The following EML1 variants were observed in gnomAD, a reference collection of about 807,000 sequenced individuals.
The protein encoded by EML1 is echinoderm microtubule-associated protein-like 1.
In EML1, 27 loss-of-function variants were observed where a neutral mutation model predicts 110.4. That is an observed-to-expected ratio of 0.24 (90% CI 0.18 to 0.34). EML1 has a LOEUF of 0.34. EML1 is among the 10% of genes least tolerant of loss of function. The pLI, the probability that EML1 is intolerant of heterozygous loss-of-function variation, is 1.00. For missense variants in EML1, 741 were observed against 1,030.9 expected (o/e 0.72, Z 3.85); for synonymous variants, 344 against 385.8 (o/e 0.89, Z 1.27).
intron 1 of EML1, among the ~76,000 whole-genome samples, chr14:99,809,156 A>C (rs935495224): frequency 2.0e-5 from 3 of 152,144 alleles, no homozygotes; most frequent in African/African-American, 7.2e-5. Context: ...GAATTTTTGC[A>C]AATTTTGTTA....
intron 17 of EML1, among the ~76,000 whole-genome samples, chr14:99,931,372 T>C (rs1342392490): frequency 1.3e-5 from 2 of 152,056 alleles, no homozygotes; most frequent in African/African-American, 4.8e-5. Flanking sequence ...CTCAGTTTCC[T>C]CATCTGCAGA....
At chr14:99,766,473 C>T (rs1043065068) in intron 1 of EML1, among the ~76,000 whole-genome samples, 8 of 152,132 alleles carry the variant, frequency 5.3e-5, no homozygotes, top group Non-Finnish European at 7.3e-5. Context: ...GGATTACAGG[C>T]GTGAGCCACC....
intron 1 of EML1, among the ~76,000 whole-genome samples, chr14:99,783,992 C>T (rs913050651): frequency 2.0e-5 from 3 of 152,210 alleles, no homozygotes; most frequent in Non-Finnish European, 4.4e-5. Flanking sequence ...GGAGATGCTA[C>T]GGTTGGAAAT....
chr14:99,927,012 T>G (rs2060246786), intron 17 of EML1, among the ~76,000 whole-genome samples: 1 of 152,122 alleles, frequency 6.6e-6, no homozygotes, highest in African/African-American at 2.4e-5. Flanking sequence ...CCTTCCAAAG[T>G]GCTGGGATTA....
intron 3 of EML1, among the ~76,000 whole-genome samples, chr14:99,874,042 T>A (rs769429142): frequency 1.3e-5 from 2 of 152,260 alleles, no homozygotes; most frequent in Non-Finnish European, 2.9e-5. Context: ...TGTAAAAGTT[T>A]GGGATACTTT....
chr14:99,803,669 A>G (rs1168035168), intron 1 of EML1, among the ~76,000 whole-genome samples: 2 of 152,194 alleles, frequency 1.3e-5, no homozygotes, highest in African/African-American at 2.4e-5. Context: ...AAAACAAATT[A>G]TTTTCAGCCA....
intron 1 of EML1, among the ~76,000 whole-genome samples, chr14:99,767,336 G>A (rs1224532109): frequency 2.6e-5 from 4 of 152,218 alleles, no homozygotes; most frequent in African/African-American, 9.6e-5. Context: ...GGGCACGGTG[G>A]CTCACGCCTG....
intron 2 of EML1, among the ~76,000 whole-genome samples, chr14:99,858,567 G>T (rs544180484): frequency 6.6e-6 from 1 of 152,318 alleles, no homozygotes; most frequent in African/African-American, 2.4e-5. Flanking sequence ...AACAGGCTTT[G>T]GTTTTGCAAA....
intron 1 of EML1, among the ~76,000 whole-genome samples, chr14:99,828,915 G>T (rs117924965): frequency 0.031 from 4,748 of 152,270 alleles, 94 homozygotes; most frequent in Non-Finnish European, 0.041. Flanking sequence ...ACGTTGAGTA[G>T]GCTGAGGAGG....
intron 13 of EML1, among the ~76,000 whole-genome samples, chr14:99,913,340 A>C (rs1222922213): frequency 6.6e-6 from 1 of 151,476 alleles, no homozygotes; most frequent in Non-Finnish European, 1.5e-5. Flanking sequence ...TACCCAGCTA[A>C]TTTTTTTTGT....
Position 99,826,728 on chromosome 14 carries a change from C to CA in EML1, c.68-24118dup, listed in dbSNP as rs748829350. Among the ~76,000 whole-genome samples the CA allele has an allele frequency of 2.7e-4, 41 of 150,738 alleles. No homozygotes were observed. In the East Asian group the frequency reaches 4.3e-3, roughly 16 times the overall value. ...CTTGGGAAAAAAAAACAAAAAAAAA[C>CA]AAAAAAACACCTTAGGTCAGAAAAA... On this transcript the variant is annotated intron_variant, in intron 1 of 21. Transcript: ENST00000262233.
rs1276568153 is a variant in EML1 at position 99,907,732 on chromosome 14, A to C, written c.1103A>C (p.Lys368Thr). ...WQKEEKLADV[K>T]CSNEAVFAAD... is the part of the protein sequence containing the mutation. ...AAAGAAGAAAAACTAGCAGATGTGAAGGTCATGCTCCAAGCCTTTTTTGGG... is the reference window on the plus strand; with the variant it reads ...AAAGAAGAAAAACTAGCAGATGTGACGGTCATGCTCCAAGCCTTTTTTGGG... Residue 368 changes from lysine to threonine, a missense_variant and splice_region_variant, in exon 10 of 22, where the codon AAG (lysine) becomes ACG (threonine). Coordinates refer to ENST00000262233, the MANE Select transcript of EML1 (RefSeq NM_004434.3). 6.2e-7 allele frequency: 1 copy of C among 1,614,126 alleles called. No individual in the cohort carries two copies. The highest frequency in any genetic ancestry group is 1.1e-5 in the South Asian group (1 of 91,076).
chr14:99,874,764 A>C (rs1211317564), intron 3 of EML1, among the ~76,000 whole-genome samples: 2 of 152,224 alleles, frequency 1.3e-5, no homozygotes, highest in African/African-American at 4.8e-5. Flanking sequence ...AATATCTTGG[A>C]AGAGTTGTGA....
chr14:99,937,990 C>A, intron 20 of EML1, 78 bp downstream of exon 20: 1 of 1,425,538 alleles, frequency 7.0e-7, no homozygotes, highest in South Asian at 1.2e-5. Context: ...GCTACGGAGT[C>A]TCATGGTCAC....
In EML1 at chr14:99,787,681, T is replaced by C. The variant is rs182702761; in HGVS notation, c.-27+13668T>C. ...ACAACAGGAATTAATTTTCTCATAGTTCTGGAGGTCAGAAGTCCAAAACCC... is the reference window on the plus strand; with the variant it reads ...ACAACAGGAATTAATTTTCTCATAGCTCTGGAGGTCAGAAGTCCAAAACCC... On this transcript the variant is annotated intron_variant, in intron 1 of 22. Coordinates refer to the EML1 transcript ENST00000327921. 8.5e-5 allele frequency among the ~76,000 whole-genome samples: 13 copies of C among 152,254 alleles called. No homozygotes were observed. In the East Asian group the frequency reaches 2.5e-3, roughly 29 times the overall value.
At chr14:99,793,233 C>A, upstream of EML1, 1 of 628,636 alleles carries the variant, frequency 1.6e-6, no homozygotes, top group Non-Finnish European at 2.0e-6. Context: ...CCCGCCACGT[C>A]CCCCTCCCGG....
chr14:99,932,774 C>CT (rs2060395790), intron 17 of EML1, among the ~76,000 whole-genome samples: 1 of 151,770 alleles, frequency 6.6e-6, no homozygotes, highest in African/African-American at 2.4e-5. Flanking sequence ...TGTAACATGA[C>CT]TTTTTTCCTT....
intron 5 of EML1, 137 bp from the exon 6 acceptor site, chr14:99,894,492 T>C (rs1457687811): frequency 1.9e-6 from 2 of 1,080,062 alleles, no homozygotes; most frequent in East Asian, 6.1e-5. Context: ...TGTTACTTTT[T>C]TCCCTAGGAT....
At chr14:99,894,475 A>G in intron 5 of EML1, 154 bp from the exon 6 acceptor site, 1 of 988,796 alleles carries the variant, frequency 1.0e-6, no homozygotes, top group East Asian at 3.2e-5. Context: ...CAAACTGTTT[A>G]TTTTTATGTT....
Sources: allele counts gnomAD v4.1 joint callset (sites outside exome capture counted in the v4.1 genomes callset), GRCh38; gene constraint gnomAD v4.1.1; transcripts MANE v1.5; gene names NCBI Gene and HGNC (gene_info 2026-07-23, HGNC 2026-07-21).